TNRC18: variants seen among roughly 807,000 people sequenced by gnomAD.
The protein encoded by TNRC18 is trinucleotide repeat containing 18, also known as trinucleotide repeat-containing gene 18 protein.
TNRC18 carries 69 observed loss-of-function variants against 226.7 expected under a neutral mutation model. The ratio of observed to expected loss-of-function variants is 0.30; its 90% CI spans 0.25 to 0.37. TNRC18 has a LOEUF of 0.37. TNRC18 is among the 10% of genes least tolerant of loss of function. The probability of loss-of-function intolerance (pLI) is 1.00; values close to 1 mark genes in which losing one functional copy is unlikely to be tolerated. For missense variants in TNRC18, 4,754 were observed against 4,256.6 expected (o/e 1.12, Z -3.25); for synonymous variants, 2,449 against 1,927.6 (o/e 1.27, Z -7.09).
In TNRC18 at chr7:5,395,299, G is replaced by A. The variant is rs549406258; in HGVS notation, c.188-704C>T. Among the ~76,000 whole-genome samples, 84 of 152,232 alleles carry A rather than the reference G, an allele frequency of 5.5e-4. 1 individual carries two copies. Among genetic ancestry groups the A allele is most frequent in the Non-Finnish European group, 1.1e-3 (72 of 68,008 alleles). ...AGCGGCAGGCGTGGGGGCCGCTAAG[G>A]GAGCCCCGTGGAGGGCAACCCCTCC... On this transcript the variant is annotated intron_variant, in intron 2 of 29. Transcript: ENST00000430969.
chr7:5,313,454 C>G lies in TNRC18; in HGVS notation c.7437G>C (p.Glu2479Asp), dbSNP rs771770730. ...VTSPKSKKAK[E>D]ALLLREDPGA... is the part of the protein sequence containing the mutation. ...CCGGATCCTCCCGGAGCAGCAGGGC[C>G]TCTTTAGCCTTCTTGCTTTTGGGTG... The change falls in exon 27 of 30, where the codon GAG becomes GAC. Residue 2479 changes from glutamate (E) to aspartate (D), a missense_variant. Physicochemically the swap from Glu to Asp is conservative, Grantham distance 45 (BLOSUM62 2). Coordinates refer to ENST00000430969, the MANE Select transcript of TNRC18 (RefSeq NM_001080495.3). 15 of 1,612,554 alleles carry G rather than the reference C, an allele frequency of 9.3e-6. No individual in the cohort carries two copies. The South Asian group carries it at 1.5e-4, about 17-fold the overall frequency.
intron 22 of TNRC18, 73 bp from the exon 23 acceptor site, chr7:5,320,680 G>A (rs1788260455): frequency 2.3e-6 from 3 of 1,319,796 alleles, no homozygotes; most frequent in African/African-American, 2.9e-5. Flanking sequence ...CACCAGCACA[G>A]CACTGCCTCC....
At chr7:5,361,359 G>C (rs1021169145) in intron 14 of TNRC18, among the ~76,000 whole-genome samples, 1 of 152,230 alleles carries the variant, frequency 6.6e-6, no homozygotes, top group African/African-American at 2.4e-5. Flanking sequence ...TGAAGCGCTG[G>C]GTTAGGACAC....
chr7:5,396,851 G>A (rs1355008187), intron 2 of TNRC18, among the ~76,000 whole-genome samples: 1 of 152,130 alleles, frequency 6.6e-6, no homozygotes, highest in Non-Finnish European at 1.5e-5. Context: ...TCCAGCCTCT[G>A]AGTCCCCAGT....
chr7:5,400,079 G>C (rs1780977892), intron 2 of TNRC18, among the ~76,000 whole-genome samples: 1 of 151,956 alleles, frequency 6.6e-6, no homozygotes, highest in Non-Finnish European at 1.5e-5. Flanking sequence ...CTTTTTCGTA[G>C]AGTCAGGATC....
chr7:5,320,613 G>A lies in TNRC18; in HGVS notation c.6561-6C>T, dbSNP rs768249584. 1.9e-5 allele frequency: 30 copies of A among 1,610,776 alleles called. No individual in the cohort carries two copies. The highest frequency in any genetic ancestry group is 2.2e-4 in the Middle Eastern group (1 of 4,526). ...CCTCCACCACCACGCGGTATCTGTAGGAGCAAACGAGGCGTGAGGTGGCAG... is the reference window on the plus strand; with the variant it reads ...CCTCCACCACCACGCGGTATCTGTAAGAGCAAACGAGGCGTGAGGTGGCAG... On this transcript the variant is annotated splice_polypyrimidine_tract_variant and splice_region_variant and intron_variant, in intron 22 of 29. Coordinates refer to ENST00000430969, the MANE Select transcript of TNRC18 (RefSeq NM_001080495.3).
intron 16 of TNRC18, among the ~76,000 whole-genome samples, chr7:5,356,031 G>A (rs973203195): frequency 6.6e-6 from 1 of 152,028 alleles, no homozygotes; most frequent in South Asian, 2.1e-4. Flanking sequence ...GGGTGTGGTG[G>A]CACAAGCCTG....
At chr7:5,351,798 T>C (rs1256733427) in intron 17 of TNRC18, 21 bp downstream of exon 17, 16 of 1,556,992 alleles carry the variant, frequency 1.0e-5, no homozygotes, top group Non-Finnish European at 1.3e-5. Context: ...CGGAAGGTAT[T>C]TTGTGTTTGG....
At chr7:5,418,430 G>C (rs775132106) in intron 2 of TNRC18, among the ~76,000 whole-genome samples, 1 of 152,156 alleles carries the variant, frequency 6.6e-6, no homozygotes, top group African/African-American at 2.4e-5. Context: ...ACAGCAGATG[G>C]CTGTCAATAC....
chr7:5,385,366 T>C (rs576111558), intron 5 of TNRC18, among the ~76,000 whole-genome samples: 1 of 151,948 alleles, frequency 6.6e-6, no homozygotes, highest in Admixed American at 6.5e-5. Flanking sequence ...CGGGCGCCTG[T>C]AGTCCCAGCT....
Position 5,313,775 on chromosome 7 carries a change from G to A in TNRC18, c.7116C>T (p.Ser2372=), listed in dbSNP as rs767223097. 2.6e-6 allele frequency: 4 copies of A among 1,543,940 alleles called. No individual in the cohort carries two copies. Among genetic ancestry groups the A allele is most frequent in the South Asian group, 2.5e-5 (2 of 80,506 alleles). The change falls in exon 27 of 30, where the codon TCC becomes TCT. Residue 2372 remains serine (S), a synonymous_variant. Coordinates refer to ENST00000430969, the MANE Select transcript of TNRC18 (RefSeq NM_001080495.3). ...LALEPSSTPG[S]KKSPPEPVDK... ...CCACAGGCTCTGGGGGGCTCTTCTT[G>A]GAACCTGGGGTGCTGCTCGGCTCCA...
chr7:5,360,637 T>C (rs1792937320), intron 14 of TNRC18, among the ~76,000 whole-genome samples: 1 of 152,074 alleles, frequency 6.6e-6, no homozygotes, highest in Non-Finnish European at 1.5e-5. Context: ...ACAGGAAATT[T>C]AACCAGTGCA....
At chr7:5,345,516 C>CGGGGGGGGCAG in intron 18 of TNRC18, 46 bp downstream of exon 18, 1 of 354,368 alleles carries the variant, frequency 2.8e-6, no homozygotes. Context: ...CAATGGCGTC[C>CGGGGGGGGCAG]GCCCCTCCCA....
chr7:5,379,817 G>A (rs374245725), intron 5 of TNRC18, among the ~76,000 whole-genome samples: 2 of 152,210 alleles, frequency 1.3e-5, no homozygotes, highest in African/African-American at 2.4e-5. Context: ...GCGGAGGCAC[G>A]GCTGATACTC....
At chr7:5,340,219 T>A (rs970905147) in intron 18 of TNRC18, among the ~76,000 whole-genome samples, 10 of 152,192 alleles carry the variant, frequency 6.6e-5, no homozygotes, top group African/African-American at 2.4e-4. Flanking sequence ...AGTGCTCTGG[T>A]GAACACACAA....
intron 16 of TNRC18, 117 bp downstream of exon 16, chr7:5,356,793 CCAGAGA>C: frequency 5.1e-6 from 7 of 1,365,472 alleles, no homozygotes; most frequent in Non-Finnish European, 5.8e-6. Context: ...GTAGTGCGCC[CCAGAGA>C]GAGAGCGAGA....
At chr7:5,365,705 C>T (rs952997614) in intron 11 of TNRC18, among the ~76,000 whole-genome samples, 3 of 152,110 alleles carry the variant, frequency 2.0e-5, no homozygotes, top group African/African-American at 4.8e-5. Context: ...CCTTCTGCCG[C>T]AGCCTCCCAA....
intron 2 of TNRC18, among the ~76,000 whole-genome samples, chr7:5,417,766 C>T (rs1458870265): frequency 6.6e-6 from 1 of 152,212 alleles, no homozygotes; most frequent in Non-Finnish European, 1.5e-5. Context: ...CTCCCAGGGC[C>T]TCCCTTGTCG....
In TNRC18 at chr7:5,370,203, G is replaced by T. The variant is rs192646042; in HGVS notation, c.4219+172C>A. On this transcript the variant is annotated intron_variant, in intron 11 of 29. Transcript: ENST00000430969. Reference sequence around the variant, plus strand: ...CTGGGCATGGTGGTGGACGCCTGTAGCCCAAGCTACTGGGGAGGCTGGGGA... The same window carrying T: ...CTGGGCATGGTGGTGGACGCCTGTATCCCAAGCTACTGGGGAGGCTGGGGA... 6.2e-4 allele frequency among the ~76,000 whole-genome samples: 95 copies of T among 152,198 alleles called. 1 individual carries two copies. Among genetic ancestry groups the T allele is most frequent in the African/African-American group, 2.3e-3 (94 of 41,508 alleles).
Sources: gnomAD v4.1 joint callset for allele counts (sites outside exome capture counted in the v4.1 genomes callset) on GRCh38, gnomAD v4.1.1 for gene constraint, MANE v1.5 for transcripts, NCBI Gene and HGNC (gene_info 2026-07-23, HGNC 2026-07-21) for gene names.